The following INSYN2A variants were observed in gnomAD, a reference collection of about 807,000 sequenced individuals.
INSYN2A encodes the protein inhibitory synaptic factor 2A.
INSYN2A carries 17 observed loss-of-function variants against 39.4 expected under a neutral mutation model. That is an observed-to-expected ratio of 0.43 (90% CI 0.30 to 0.65). The LOEUF (loss-of-function observed/expected upper bound fraction) is 0.65. Among genes scored for constraint, INSYN2A ranks in the 30% least tolerant of loss-of-function variants. INSYN2A has a pLI of 0.14. For missense variants in INSYN2A, 595 were observed against 631.2 expected (o/e 0.94, Z 0.61); for synonymous variants, 255 against 265.7 (o/e 0.96, Z 0.39).
chr10:127,175,913 T>G lies in INSYN2A; in HGVS notation c.483A>C (p.Pro161=). 1 of 1,614,168 alleles carries G rather than the reference T, an allele frequency of 6.2e-7. No individual in the cohort carries two copies. The change falls in exon 4 of 6, where the codon CCA becomes CCC. Residue 161 remains proline, a synonymous_variant. Coordinates refer to ENST00000522781, the MANE Select transcript of INSYN2A (RefSeq NM_001039762.3). The surrounding 1 kb of genome is among the most constrained non-coding windows in gnomAD (Gnocchi z 6.3). Reference sequence around the variant, plus strand: ...TCTTGTGCACCCGCCCCGCGCCACATGGCCGGGCCTCCTCCATGGGTCCAG... The same window carrying G: ...TCTTGTGCACCCGCCCCGCGCCACAGGGCCGGGCCTCCTCCATGGGTCCAG... The part of the protein sequence containing the change: ...NEAGPMEEAR[P]CGAGRVHKTT...
rs1005586108 is a variant in INSYN2A at position 127,137,721 on chromosome 10, T to C, written c.*116A>G. 1 of 926,466 alleles carries C rather than the reference T, an allele frequency of 1.1e-6. No homozygotes were observed. The highest frequency in any genetic ancestry group is 2.6e-5 in the Admixed American group (1 of 38,686). 57.4% of individuals were successfully genotyped at this position (926,466 alleles called of 1,614,324 possible). ...CCTTTTTGGTACGCAGGGCGAGAAG[T>C]GGGAGGTGCCTGAATGGGCACCACA... On this transcript the variant is annotated 3_prime_UTR_variant, in exon 6 of 6. Coordinates refer to ENST00000522781, the MANE Select transcript of INSYN2A (RefSeq NM_001039762.3).
intron 5 of INSYN2A, 105 bp downstream of exon 5, chr10:127,153,747 C>T: frequency 1.2e-6 from 1 of 854,982 alleles, no homozygotes; most frequent in African/African-American, 1.7e-5. Context: ...CACTTTTTGT[C>T]TGATAGAATC....
intron 5 of INSYN2A, among the ~76,000 whole-genome samples, chr10:127,144,649 A>C (rs1476387446): frequency 6.6e-6 from 1 of 152,212 alleles, no homozygotes; most frequent in Non-Finnish European, 1.5e-5. Context: ...AATTTGTTAT[A>C]TACTATTTCT....
chr10:127,180,326 G>A (rs1345751990), intron 2 of INSYN2A, among the ~76,000 whole-genome samples: 2 of 152,286 alleles, frequency 1.3e-5, no homozygotes, highest in East Asian at 1.9e-4. Flanking sequence ...GCTTGCCTTG[G>A]CTGGGTCACC....
chr10:127,184,638 T>G (rs2056059709), intron 2 of INSYN2A, among the ~76,000 whole-genome samples: 1 of 152,186 alleles, frequency 6.6e-6, no homozygotes, highest in Admixed American at 6.5e-5. Context: ...TGCTCATCTT[T>G]CTAGATTTCT....
At chr10:127,191,601 G>C (rs1377505064) in intron 2 of INSYN2A, among the ~76,000 whole-genome samples, 1 of 152,116 alleles carries the variant, frequency 6.6e-6, no homozygotes, top group Non-Finnish European at 1.5e-5. Flanking sequence ...CATGAAGAAG[G>C]ACCATTGACA....
chr10:127,153,578 C>T (rs955775604), intron 5 of INSYN2A, among the ~76,000 whole-genome samples: 2 of 152,284 alleles, frequency 1.3e-5, no homozygotes, highest in African/African-American at 2.4e-5. Context: ...TCACACCTAT[C>T]GATTCCAAGG....
chr10:127,160,457 G>A (rs929334653), intron 4 of INSYN2A, among the ~76,000 whole-genome samples: 1 of 152,208 alleles, frequency 6.6e-6, no homozygotes, highest in Non-Finnish European at 1.5e-5. Context: ...CCCCTCCCTG[G>A]AAGATGTGTT....
intron 2 of INSYN2A, among the ~76,000 whole-genome samples, chr10:127,189,563 C>T (rs1045999980): frequency 1.4e-4 from 22 of 152,132 alleles, no homozygotes; most frequent in African/African-American, 5.1e-4. Flanking sequence ...AAGTGCAAAA[C>T]AAATTAAATG....
intron 4 of INSYN2A, among the ~76,000 whole-genome samples, chr10:127,172,957 T>C (rs2054720535): frequency 6.6e-6 from 1 of 152,140 alleles, no homozygotes; most frequent in Non-Finnish European, 1.5e-5. Context: ...CAATTGTCAT[T>C]GAGTTTGAAT....
At chr10:127,142,239 A>G (rs1564836162) in intron 5 of INSYN2A, among the ~76,000 whole-genome samples, 1 of 152,150 alleles carries the variant, frequency 6.6e-6, no homozygotes, top group Non-Finnish European at 1.5e-5. Context: ...GGCTCATTCT[A>G]CAGCCACACG....
chr10:127,163,377 T>G (rs1364446809), intron 4 of INSYN2A, among the ~76,000 whole-genome samples: 1 of 152,132 alleles, frequency 6.6e-6, no homozygotes, highest in African/African-American at 2.4e-5. Flanking sequence ...CTGTAGCTAT[T>G]TCGCTTTCCC....
At chr10:127,166,209 G>A (rs942898549) in intron 4 of INSYN2A, among the ~76,000 whole-genome samples, 1 of 152,160 alleles carries the variant, frequency 6.6e-6, no homozygotes, top group Non-Finnish European at 1.5e-5. Context: ...GGGACTACAG[G>A]TGCCTGCCAC....
chr10:127,181,413 C>T (rs1003650471), intron 2 of INSYN2A, among the ~76,000 whole-genome samples: 4 of 152,188 alleles, frequency 2.6e-5, no homozygotes, highest in African/African-American at 9.7e-5. Context: ...TGCTGATTTG[C>T]AGGTTTGCAG....
intron 5 of INSYN2A, among the ~76,000 whole-genome samples, chr10:127,142,886 A>C (rs1442806781): frequency 2.0e-5 from 3 of 152,110 alleles, no homozygotes; most frequent in Non-Finnish European, 2.9e-5. Context: ...AAGTGTGGGG[A>C]CTTTCTTACA....
At chr10:127,173,692 A>AT in intron 4 of INSYN2A, among the ~76,000 whole-genome samples, 1 of 152,096 alleles carries the variant, frequency 6.6e-6, no homozygotes, top group Non-Finnish European at 1.5e-5. Context: ...TGACCTTTTA[A>AT]TTTTTTTGCA....
chr10:127,166,373 T>A (rs1203643445), intron 4 of INSYN2A, among the ~76,000 whole-genome samples: 1 of 152,220 alleles, frequency 6.6e-6, no homozygotes, highest in Non-Finnish European at 1.5e-5. Context: ...CCCAAAAAAA[T>A]GCCTGCATTT....
At chr10:127,172,888 C>T (rs1055274958) in intron 4 of INSYN2A, among the ~76,000 whole-genome samples, 4 of 152,180 alleles carry the variant, frequency 2.6e-5, no homozygotes, top group Non-Finnish European at 5.9e-5. Flanking sequence ...CGTAGCTGCA[C>T]TGTCTTATGT....
At chr10:127,190,062 C>T (rs887926624) in intron 2 of INSYN2A, among the ~76,000 whole-genome samples, 1 of 152,136 alleles carries the variant, frequency 6.6e-6, no homozygotes, top group Non-Finnish European at 1.5e-5. Flanking sequence ...GTTATAAGAA[C>T]ATTAATTTAT....
Sources: gnomAD v4.1 joint callset for allele counts (sites outside exome capture counted in the v4.1 genomes callset) on GRCh38, gnomAD v4.1.1 for gene constraint, Gnocchi (gnomAD v3.1) non-coding constraint, MANE v1.5 for transcripts, NCBI Gene and HGNC (gene_info 2026-07-23, HGNC 2026-07-21) for gene names.